RUNDC3B: variants seen among roughly 807,000 people sequenced by gnomAD.
RUNDC3B encodes the protein RUN domain-containing protein 3B.
A neutral mutation model predicts 58.4 loss-of-function variants in RUNDC3B; 33 were observed. The ratio of observed to expected loss-of-function variants is 0.56; its 90% confidence interval spans 0.43 to 0.75. The LOEUF is 0.75. RUNDC3B is among the 30% of genes least tolerant of loss of function. RUNDC3B has a pLI of 0.00. For missense variants in RUNDC3B, 501 were observed against 535.7 expected, an observed-to-expected ratio of 0.94 and a Z score of 0.64; for synonymous variants, 193 against 195.2, an observed-to-expected ratio of 0.99 and a Z score of 0.10.
chr7:87,649,001 A>G (rs1451541177), intron 1 of RUNDC3B, among the ~76,000 whole-genome samples: 1 of 151,958 alleles, frequency 6.6e-6, no homozygotes, highest in Non-Finnish European at 1.5e-5. Flanking sequence ...CATAACTATC[A>G]AGAGTAAAAC....
chr7:87,702,546 C>T (rs1002939102), intron 3 of RUNDC3B, among the ~76,000 whole-genome samples: 1 of 152,110 alleles, frequency 6.6e-6, no homozygotes, highest in Non-Finnish European at 1.5e-5. Flanking sequence ...TCCCGAAGTG[C>T]TGGATTACAG....
chr7:87,778,135 C>T (rs1351929796), intron 8 of RUNDC3B, among the ~76,000 whole-genome samples, 180 bp downstream of exon 8: 2 of 152,000 alleles, frequency 1.3e-5, no homozygotes, highest in Non-Finnish European at 2.9e-5. Context: ...ATGTTAATTG[C>T]AGAAACTTAA....
intron 4 of RUNDC3B, among the ~76,000 whole-genome samples, chr7:87,715,385 TATA>T (rs1475220520): frequency 9.9e-6 from 1 of 101,362 alleles, no homozygotes; most frequent in Non-Finnish European, 1.9e-5. Flanking sequence ...ATATAATCAA[TATA>T]ATATAATATA....
Position 87,830,263 on chromosome 7 carries a change from C to T in RUNDC3B, c.*233C>T. On this transcript the variant is annotated 3_prime_UTR_variant, in exon 11 of 11. Transcript: ENST00000394654. ...TTGAGAAAGTTCAAAATGGAATAGGCTTTAAAAAAAAAAAAACTTTCAAAG... is the reference window on the plus strand; with the variant it reads ...TTGAGAAAGTTCAAAATGGAATAGGTTTTAAAAAAAAAAAAACTTTCAAAG... 1 of 292,728 alleles carries T rather than the reference C, an allele frequency of 3.4e-6. No homozygotes were observed. Among genetic ancestry groups the T allele is most frequent in the Non-Finnish European group, 6.2e-6 (1 of 161,352 alleles). The allele number at this position is 292,728 out of a possible 1,614,324, so 18.1% of individuals were successfully genotyped here.
At chr7:87,659,267 G>C in intron 2 of RUNDC3B, 1 of 411,950 alleles carries the variant, frequency 2.4e-6, no homozygotes, top group Non-Finnish European at 4.8e-6. Flanking sequence ...TTAGTTTTCT[G>C]TTTGTTCCCC....
At chr7:87,726,889 G>C (rs1201101942) in intron 4 of RUNDC3B, among the ~76,000 whole-genome samples, 1 of 152,056 alleles carries the variant, frequency 6.6e-6, no homozygotes, top group Non-Finnish European at 1.5e-5. Flanking sequence ...CTCTCTGTTT[G>C]TCTGTTATTG....
chr7:87,810,560 GTGT>G (rs1836660887), intron 9 of RUNDC3B, among the ~76,000 whole-genome samples: 1 of 152,256 alleles, frequency 6.6e-6, no homozygotes, highest in East Asian at 1.9e-4. Flanking sequence ...TAACAACAGT[GTGT>G]TGTTTGATTT....
intron 1 of RUNDC3B, among the ~76,000 whole-genome samples, chr7:87,645,158 C>T (rs573579947): frequency 6.0e-5 from 9 of 151,028 alleles, no homozygotes; most frequent in African/African-American, 1.9e-4. Flanking sequence ...TCTCGGATCA[C>T]TGCAACCTCG....
chr7:87,727,339 A>G (rs1831298382), intron 4 of RUNDC3B, among the ~76,000 whole-genome samples: 2 of 152,196 alleles, frequency 1.3e-5, no homozygotes, highest in African/African-American at 4.8e-5. Context: ...TAACAGAAAC[A>G]AAGATAAAAA....
At chr7:87,648,184 CAAAAAAA>C (rs138383809) in intron 1 of RUNDC3B, among the ~76,000 whole-genome samples, 1 of 65,464 alleles carries the variant, frequency 1.5e-5, no homozygotes, top group African/African-American at 5.5e-5. Context: ...GACTCTGTCT[CAAAAAAA>C]AAAAAAAAAA....
chr7:87,712,152 G>A (rs554240024), intron 4 of RUNDC3B, among the ~76,000 whole-genome samples: 2 of 152,034 alleles, frequency 1.3e-5, no homozygotes, highest in South Asian at 2.1e-4. Context: ...TGTCATGATT[G>A]TAAGTTTGAC....
intron 2 of RUNDC3B, among the ~76,000 whole-genome samples, chr7:87,675,090 C>T (rs958471870): frequency 3.9e-5 from 6 of 152,216 alleles, no homozygotes; most frequent in South Asian, 2.1e-4. Flanking sequence ...GTGGTGAGAG[C>T]GGGCCGCTCC....
At chr7:87,773,372 T>C (rs1220035162) in intron 7 of RUNDC3B, among the ~76,000 whole-genome samples, 1 of 150,242 alleles carries the variant, frequency 6.7e-6, no homozygotes, top group African/African-American at 2.4e-5. Flanking sequence ...TATATATCAG[T>C]GCTGGACTTA....
At chr7:87,710,807 G>A in intron 4 of RUNDC3B, 152 bp downstream of exon 4, 1 of 505,360 alleles carries the variant, frequency 2.0e-6, no homozygotes, top group Non-Finnish European at 3.5e-6. Flanking sequence ...TGTCTTCTTA[G>A]GAAAATGTAA....
At chr7:87,702,142 C>CAAAAAAAAAAA (rs146127516) in intron 3 of RUNDC3B, among the ~76,000 whole-genome samples, 4 of 16,776 alleles carry the variant, frequency 2.4e-4, no homozygotes, top group African/African-American at 7.0e-4. Context: ...GACTCTGTCT[C>CAAAAAAAAAAA]AAAAAAAAAA....
chr7:87,673,681 C>T (rs1476173548), intron 2 of RUNDC3B, among the ~76,000 whole-genome samples: 1 of 152,174 alleles, frequency 6.6e-6, no homozygotes, highest in Non-Finnish European at 1.5e-5. Flanking sequence ...GATCTTCATT[C>T]GTATCCATGT....
At chr7:87,708,255 CAAG>C (rs567920006) in intron 3 of RUNDC3B, among the ~76,000 whole-genome samples, 128 of 151,984 alleles carry the variant, frequency 8.4e-4, no homozygotes, top group African/African-American at 3.0e-3. Flanking sequence ...CAAGACTATT[CAAG>C]AAGATCAAAA....
At chr7:87,713,808 T>C (rs993383232) in intron 4 of RUNDC3B, among the ~76,000 whole-genome samples, 4 of 152,174 alleles carry the variant, frequency 2.6e-5, no homozygotes, top group Non-Finnish European at 5.9e-5. Context: ...AAATACCATA[T>C]GATATTTCAA....
At chr7:87,726,994 T>C (rs1319150322) in intron 4 of RUNDC3B, among the ~76,000 whole-genome samples, 2 of 152,038 alleles carry the variant, frequency 1.3e-5, no homozygotes, top group African/African-American at 2.4e-5. Flanking sequence ...TGGGCTGAGA[T>C]GATGGGGTTT....
Sources: allele counts gnomAD v4.1 joint callset (sites outside exome capture counted in the v4.1 genomes callset), GRCh38; gene constraint gnomAD v4.1.1; transcripts MANE v1.5; gene names NCBI Gene and HGNC (gene_info 2026-07-23, HGNC 2026-07-21).